Variants in DYNLT2B observed in about 807,000 individuals in gnomAD.
DYNLT2B encodes dynein light chain Tctex-type protein 2B.
DYNLT2B carries 14 observed loss-of-function variants against 19.5 expected under a neutral mutation model. The ratio of observed to expected loss-of-function variants is 0.72; its 90% CI spans 0.47 to 1.12. The LOEUF is 1.12. DYNLT2B is among the 50% of genes most tolerant of loss of function. The pLI is 0.00. For synonymous variants in DYNLT2B, 70 were observed against 59.7 expected (o/e 1.17, Z -0.79); for missense variants, 133 against 174.7 (o/e 0.76, Z 1.35).
At chr3:196,292,092 A>G (rs1726107969) in intron 4 of DYNLT2B, among the ~76,000 whole-genome samples, 1 of 152,258 alleles carries the variant, frequency 6.6e-6, no homozygotes, top group African/African-American at 2.4e-5. Context: ...ACTGATAATA[A>G]GAACAACAGG....
Position 196,318,220 on chromosome 3 carries a change from C to G in DYNLT2B, c.-68G>C, listed in dbSNP as rs1167025469. The G allele has an allele frequency of 6.5e-6, 6 of 923,512 alleles. No homozygotes were observed. Among genetic ancestry groups the G allele is most frequent in the Non-Finnish European group, 9.2e-6 (6 of 654,908 alleles). The allele number at this position is 923,512 out of a possible 1,614,324, so 57.2% of individuals were successfully genotyped here. ...AGCGGGTTGCGGTCGCGGCCGGCAG[C>G]AGGGAAAGCGTCTCCAGGGCAACAG... On this transcript the variant is annotated 5_prime_UTR_variant, in exon 1 of 5. Transcript: ENST00000325318.
rs970321676 is a variant in DYNLT2B at position 196,318,100 on chromosome 3, G to A, written c.53C>T (p.Ala18Val). 1.3e-6 allele frequency: 2 copies of A among 1,531,966 alleles called. No individual in the cohort carries two copies. Among genetic ancestry groups the A allele is most frequent in the African/African-American group, 3.2e-5 (2 of 62,432 alleles). The allele number at this position is 1,531,966 out of a possible 1,614,324, so 94.9% of individuals were successfully genotyped here. The change falls in exon 1 of 5, where the codon GCT (alanine) becomes GTT (valine). Residue 18 changes from alanine to valine, a missense_variant. Coordinates refer to ENST00000325318, the MANE Select transcript of DYNLT2B (RefSeq NM_152773.5). ...CTCGGGCTCCCCTGCGTTCTTCTCA[G>A]CCTCAGGCACCCCGTCGCCCACCGA... is the stretch of plus-strand genomic sequence containing the variant. ...SFSVGDGVPE[A>V]EKNAGEPENT...
intron 2 of DYNLT2B, among the ~76,000 whole-genome samples, chr3:196,315,804 G>A (rs528872521): frequency 2.6e-5 from 4 of 152,198 alleles, no homozygotes; most frequent in African/African-American, 7.2e-5. Flanking sequence ...CCCGGGAGGC[G>A]GAGTTTGCAG....
At chr3:196,316,328 C>T in intron 1 of DYNLT2B, 97 bp from the exon 2 acceptor site, 1 of 1,200,726 alleles carries the variant, frequency 8.3e-7, no homozygotes, top group Non-Finnish European at 1.1e-6. Context: ...ATTAGTACCA[C>T]TTAATCCTTC....
At chr3:196,299,547 AG>A (rs987071224) in intron 3 of DYNLT2B, among the ~76,000 whole-genome samples, 12 of 152,152 alleles carry the variant, frequency 7.9e-5, no homozygotes, top group African/African-American at 2.9e-4. Context: ...AACAAAGCTA[AG>A]GAGGTAAAAT....
intron 3 of DYNLT2B, among the ~76,000 whole-genome samples, chr3:196,306,466 A>G (rs1314821632): frequency 2.0e-5 from 3 of 152,042 alleles, no homozygotes; most frequent in Non-Finnish European, 2.9e-5. Context: ...AAACACATAC[A>G]TACATATATG....
At chr3:196,302,658 C>A (rs1312034311) in intron 3 of DYNLT2B, among the ~76,000 whole-genome samples, 1 of 152,168 alleles carries the variant, frequency 6.6e-6, no homozygotes, top group Non-Finnish European at 1.5e-5. Context: ...ATACGATGCC[C>A]TTGAGGAGGT....
chr3:196,295,891 G>A, intron 4 of DYNLT2B, 115 bp downstream of exon 4: 4 of 866,532 alleles, frequency 4.6e-6, no homozygotes, highest in Non-Finnish European at 7.3e-6. Context: ...TCATTCACAA[G>A]TCAAAGATGA....
At chr3:196,317,098 G>T (rs1726854762) in intron 1 of DYNLT2B, among the ~76,000 whole-genome samples, 1 of 108,508 alleles carries the variant, frequency 9.2e-6, no homozygotes, top group African/African-American at 3.6e-5. Context: ...TAAAGTTAGT[G>T]ATCTTACAAA....
chr3:196,293,000 C>T (rs1430965933), intron 4 of DYNLT2B, among the ~76,000 whole-genome samples: 2 of 152,124 alleles, frequency 1.3e-5, no homozygotes, highest in Non-Finnish European at 2.9e-5. Flanking sequence ...ACTACAGGCG[C>T]CCGCCACCTT....
chr3:196,294,891 C>CT, intron 4 of DYNLT2B, among the ~76,000 whole-genome samples: 1 of 151,714 alleles, frequency 6.6e-6, no homozygotes, highest in Non-Finnish European at 1.5e-5. Context: ...TGCACCACCA[C>CT]ACCCGGCTAA....
intron 2 of DYNLT2B, among the ~76,000 whole-genome samples, chr3:196,313,319 C>G (rs1024770253): frequency 6.6e-6 from 1 of 151,936 alleles, no homozygotes; most frequent in Non-Finnish European, 1.5e-5. Flanking sequence ...GCCTCAGCCA[C>G]CCGAATAGCT....
chr3:196,291,448 A>G (rs564638483), intron 4 of DYNLT2B, 74 bp from the exon 5 acceptor site: 1 of 1,439,636 alleles, frequency 6.9e-7, no homozygotes, highest in Non-Finnish European at 9.5e-7. Flanking sequence ...AGCACAGGCA[A>G]CTGAAACTAA....
intron 4 of DYNLT2B, 138 bp downstream of exon 4, chr3:196,295,868 C>G: frequency 5.5e-6 from 4 of 721,136 alleles, no homozygotes; most frequent in Non-Finnish European, 9.1e-6. Flanking sequence ...CAAAAACTAA[C>G]AGTAAAATCA....
In DYNLT2B at chr3:196,291,255, A is replaced by T; in HGVS notation, c.*72T>A. The T allele has an allele frequency of 7.3e-7, 1 of 1,376,194 alleles. No individual in the cohort carries two copies. Among genetic ancestry groups the T allele is most frequent in the Non-Finnish European group, 1.0e-6 (1 of 995,848 alleles). 85.2% of individuals were successfully genotyped at this position (1,376,194 alleles called of 1,614,324 possible). A position where few individuals can be genotyped will look rare whatever the true frequency, so the allele number is the denominator to read the frequency against. On this transcript the variant is annotated 3_prime_UTR_variant, in exon 5 of 5. Transcript: ENST00000325318. ...AACTACTAACATCTTTATTTTGTCA[A>T]GATATTTAACAATATTAAAAAGTTC...
chr3:196,310,821 C>T (rs1023741961), intron 2 of DYNLT2B, among the ~76,000 whole-genome samples: 5 of 152,014 alleles, frequency 3.3e-5, no homozygotes, highest in African/African-American at 4.8e-5. Flanking sequence ...CTGCAACCTC[C>T]GCCTTCTGGG....
chr3:196,311,227 C>T (rs1726633018), intron 2 of DYNLT2B, among the ~76,000 whole-genome samples: 1 of 151,870 alleles, frequency 6.6e-6, no homozygotes, highest in Admixed American at 6.6e-5. Context: ...GAAGCCTGGG[C>T]AAAATGGCAA....
At chr3:196,315,525 T>G (rs1489421187) in intron 2 of DYNLT2B, among the ~76,000 whole-genome samples, 1 of 151,428 alleles carries the variant, frequency 6.6e-6, no homozygotes, top group Admixed American at 6.6e-5. Context: ...CCTCCCAAAG[T>G]GCTGCGATTA....
intron 2 of DYNLT2B, among the ~76,000 whole-genome samples, chr3:196,312,160 G>A (rs1309329284): frequency 2.0e-5 from 3 of 152,152 alleles, no homozygotes; most frequent in Non-Finnish European, 2.9e-5. Context: ...GATTACAGGC[G>A]TGAGCCACCA....
Sources: gnomAD v4.1 joint callset for allele counts (sites outside exome capture counted in the v4.1 genomes callset) on GRCh38, gnomAD v4.1.1 for gene constraint, MANE v1.5 for transcripts, NCBI Gene and HGNC (gene_info 2026-07-23, HGNC 2026-07-21) for gene names.